The following CNTN6 variants were observed in gnomAD, a reference collection of about 807,000 sequenced individuals.
CNTN6 encodes the protein contactin-6.
Under a neutral mutation model 122.8 loss-of-function variants are expected in CNTN6, and 137 were observed. The observed-to-expected ratio is 1.12, with a 90% CI of 0.97 to 1.29. The LOEUF is 1.29. CNTN6 is among the 50% of genes most tolerant of loss of function. CNTN6 has a pLI of 0.00. For synonymous variants in CNTN6, 570 were observed against 426.0 expected (o/e 1.34, Z -4.16); for missense variants, 1,634 against 1,223.4 (o/e 1.34, Z -5.01).
chr3:1,218,723 C>T (rs531819962), intron 2 of CNTN6, among the ~76,000 whole-genome samples: 16 of 152,216 alleles, frequency 1.1e-4, no homozygotes, highest in Non-Finnish European at 2.1e-4. Context: ...ACATCACACA[C>T]GTATAAAATC....
intron 2 of CNTN6, among the ~76,000 whole-genome samples, chr3:1,170,756 T>A (rs1195657176): frequency 6.6e-6 from 1 of 152,214 alleles, no homozygotes. Flanking sequence ...TGCTGGGTAC[T>A]TAACTTTTAA....
intron 4 of CNTN6, among the ~76,000 whole-genome samples, chr3:1,271,293 G>C (rs1205471339): frequency 6.6e-6 from 1 of 152,172 alleles, no homozygotes; most frequent in East Asian, 1.9e-4. Flanking sequence ...TGAACATCTT[G>C]GCAGATGAAA....
intron 5 of CNTN6, among the ~76,000 whole-genome samples, chr3:1,288,940 C>T (rs537560852): frequency 1.1e-4 from 17 of 152,014 alleles, no homozygotes; most frequent in African/African-American, 3.1e-4. Flanking sequence ...TTGTAGAGGA[C>T]GAAGTCATTG....
chr3:1,285,960 C>G (rs1326786402), intron 5 of CNTN6, among the ~76,000 whole-genome samples: 1 of 152,198 alleles, frequency 6.6e-6, no homozygotes, highest in Non-Finnish European at 1.5e-5. Flanking sequence ...CTCTTCATAG[C>G]TGGCCAAAGT....
At chr3:1,148,824 C>T (rs1259531001) in intron 2 of CNTN6, among the ~76,000 whole-genome samples, 2 of 152,148 alleles carry the variant, frequency 1.3e-5, no homozygotes, top group Non-Finnish European at 2.9e-5. Flanking sequence ...TCATCTGAGA[C>T]ATGACTAGTC....
At chr3:1,251,708 T>C (rs2094673025) in intron 4 of CNTN6, among the ~76,000 whole-genome samples, 1 of 152,120 alleles carries the variant, frequency 6.6e-6, no homozygotes, top group African/African-American at 2.4e-5. Flanking sequence ...AAGATGTTAC[T>C]GTATTGCCGG....
chr3:1,352,326 T>C lies in CNTN6; in HGVS notation c.1367T>C (p.Ile456Thr). ...TTAATGATGTATTTTCTTTTTAGAATATTTCTCTTGGAGGATGGCAGCCTC... is the reference window on the plus strand; with the variant it reads ...TTAATGATGTATTTTCTTTTTAGAACATTTCTCTTGGAGGATGGCAGCCTC... ...GTETLRQSKR[I>T]FLLEDGSLKI... The change falls in exon 12 of 23, where the codon ATA (isoleucine) becomes ACA (threonine). Residue 456 changes from isoleucine to threonine, a missense_variant and splice_region_variant. Coordinates refer to ENST00000446702, the MANE Select transcript of CNTN6 (RefSeq NM_001289080.2). 1.3e-6 allele frequency: 2 copies of C among 1,518,066 alleles called. No individual in the cohort carries two copies. The highest frequency in any genetic ancestry group is 1.8e-6 in the Non-Finnish European group (2 of 1,125,512). 94.0% of individuals were successfully genotyped at this position (1,518,066 alleles called of 1,614,324 possible).
intron 2 of CNTN6, among the ~76,000 whole-genome samples, chr3:1,158,896 A>G (rs1465260974): frequency 7.4e-6 from 1 of 135,004 alleles, no homozygotes; most frequent in Non-Finnish European, 1.5e-5. Flanking sequence ...ACACACATAT[A>G]TATACACATA....
chr3:1,144,650 G>T (rs1303689738), intron 1 of CNTN6, among the ~76,000 whole-genome samples: 1 of 136,784 alleles, frequency 7.3e-6, no homozygotes, highest in Non-Finnish European at 1.6e-5. Flanking sequence ...GGATTACTTA[G>T]GTAGAAGGAG....
intron 2 of CNTN6, among the ~76,000 whole-genome samples, chr3:1,153,396 T>G (rs2092892115): frequency 6.6e-6 from 1 of 152,176 alleles, no homozygotes; most frequent in Admixed American, 6.5e-5. Flanking sequence ...TTATAATAAG[T>G]CTTTGCAGCC....
chr3:1,374,806 G>A (rs1437409804), intron 16 of CNTN6, among the ~76,000 whole-genome samples: 1 of 152,048 alleles, frequency 6.6e-6, no homozygotes, highest in Non-Finnish European at 1.5e-5. Flanking sequence ...CCTTATTAAA[G>A]TGTGCACAAT....
chr3:1,199,438 C>T (rs974927814), intron 2 of CNTN6, among the ~76,000 whole-genome samples: 2 of 151,972 alleles, frequency 1.3e-5, no homozygotes, highest in Non-Finnish European at 2.9e-5. Context: ...CCTTGGCCCC[C>T]CAAAGTGCTG....
At chr3:1,309,398 C>G (rs930736349) in intron 7 of CNTN6, among the ~76,000 whole-genome samples, 2 of 152,188 alleles carry the variant, frequency 1.3e-5, no homozygotes, top group South Asian at 2.1e-4. Context: ...TTTTTCTCCA[C>G]TGTATTGCGT....
chr3:1,323,522 C>G (rs1194997896), intron 8 of CNTN6, among the ~76,000 whole-genome samples: 1 of 151,714 alleles, frequency 6.6e-6, no homozygotes, highest in East Asian at 1.9e-4. Flanking sequence ...AAGAGGATTA[C>G]TGACTCAGTT....
At position 1,278,451 on chromosome 3, in the gene CNTN6, T is replaced by C; in HGVS notation, c.397T>C (p.Ser133Pro). The C allele has an allele frequency of 6.2e-7, 1 of 1,612,238 alleles. No homozygotes were observed. The highest frequency in any genetic ancestry group is 1.1e-5 in the South Asian group (1 of 90,880). ...DFETKTRSTV[S>P]VREGQGVVLL... is the part of the protein sequence containing the mutation. ...TGAAACTAAAACAAGAAGCACAGTA[T>C]CTGTCCGAGAAGGTCAAGGTGTGGT... The change falls in exon 5 of 23, where the codon TCT (serine) becomes CCT (proline). Residue 133 changes from serine to proline, a missense_variant. Coordinates refer to ENST00000446702, the MANE Select transcript of CNTN6 (RefSeq NM_001289080.2).
chr3:1,182,125 T>C (rs2093563906), intron 2 of CNTN6, among the ~76,000 whole-genome samples: 1 of 152,164 alleles, frequency 6.6e-6, no homozygotes, highest in South Asian at 2.1e-4. Context: ...TCTACTAATA[T>C]TTTCTTAACT....
At chr3:1,267,705 A>C (rs1444107340) in intron 4 of CNTN6, among the ~76,000 whole-genome samples, 1 of 151,990 alleles carries the variant, frequency 6.6e-6, no homozygotes, top group Non-Finnish European at 1.5e-5. Flanking sequence ...GGAAAGATAA[A>C]ATAATATTTA....
At chr3:1,226,065 G>T (rs1015651046) in intron 3 of CNTN6, among the ~76,000 whole-genome samples, 1 of 152,156 alleles carries the variant, frequency 6.6e-6, no homozygotes, top group Non-Finnish European at 1.5e-5. Context: ...TTTTAGTAGA[G>T]GCGGGGTTTT....
intron 1 of CNTN6, among the ~76,000 whole-genome samples, chr3:1,135,214 T>C (rs758223020): frequency 3.3e-5 from 5 of 152,176 alleles, no homozygotes; most frequent in African/African-American, 4.8e-5. Flanking sequence ...ATTTTTATTA[T>C]TTCAAAATTC....
Sources: allele counts gnomAD v4.1 joint callset (sites outside exome capture counted in the v4.1 genomes callset), GRCh38; gene constraint gnomAD v4.1.1; transcripts MANE v1.5; gene names NCBI Gene and HGNC (gene_info 2026-07-23, HGNC 2026-07-21).